The following CHSY1 variants were observed in gnomAD, a reference collection of about 807,000 sequenced individuals.
The protein encoded by CHSY1 is N-acetylgalactosaminyl-proteoglycan 3-beta-glucuronosyltransferase 1.
CHSY1 carries 13 observed loss-of-function variants against 59.8 expected under a neutral mutation model. The observed-to-expected ratio is 0.22, with a 90% CI of 0.14 to 0.35. The LOEUF (loss-of-function observed/expected upper bound fraction) is 0.35. CHSY1 is among the 10% of genes least tolerant of loss of function. The probability of loss-of-function intolerance (pLI) is 1.00; values close to 1 mark genes in which losing one functional copy is unlikely to be tolerated. For missense variants in CHSY1, 947 were observed against 1,030.6 expected (o/e 0.92, Z 1.11); for synonymous variants, 459 against 401.2 (o/e 1.14, Z -1.72).
In CHSY1 at chr15:101,178,821, C is replaced by T. The variant is rs773884567; in HGVS notation, c.976G>A (p.Glu326Lys). The change falls in exon 3 of 3, where the codon GAG (glutamate) becomes AAG (lysine). Residue 326 changes from glutamate to lysine, a missense_variant. Physicochemically the swap from Glu to Lys is moderately conservative, Grantham distance 56. Transcript: ENST00000254190. ...AGCTGTATTGTGCGATGGCGGAGCT[C>T]GGATATCTTGCGGCTCAGCATGTAG... ...HSYMLSRKIS[E>K]LRHRTIQLHR... The T allele has an allele frequency of 2.3e-5, 37 of 1,613,960 alleles. No homozygotes were observed. Among genetic ancestry groups the T allele is most frequent in the African/African-American group, 5.3e-5 (4 of 74,878 alleles).
At chr15:101,237,386 GAGA>G (rs1331756421) in intron 1 of CHSY1, among the ~76,000 whole-genome samples, 1 of 152,178 alleles carries the variant, frequency 6.6e-6, no homozygotes, top group Non-Finnish European at 1.5e-5. Context: ...CCTAGGAATG[GAGA>G]AGAAGGCCGA....
chr15:101,201,272 A>C (rs750180755), intron 2 of CHSY1, among the ~76,000 whole-genome samples: 2 of 152,206 alleles, frequency 1.3e-5, no homozygotes, highest in Non-Finnish European at 2.9e-5. Context: ...TACATAAAGA[A>C]AATAATGAAT....
In CHSY1 at chr15:101,226,109, T is replaced by A. The variant is rs190740793; in HGVS notation, c.816+8973A>T. On this transcript the variant is annotated intron_variant, in intron 2 of 2. Coordinates refer to ENST00000254190, the MANE Select transcript of CHSY1 (RefSeq NM_014918.5). ...ATGATTGGTTCTGTCAAAATAGTCT[T>A]CCCTAAATTGTAAAAACAAAAACAT... 2.1e-3 allele frequency among the ~76,000 whole-genome samples: 326 copies of A among 152,274 alleles called. 2 individuals are homozygous for A. Among genetic ancestry groups the A allele is most frequent in the Middle Eastern group, 3.4e-3 (1 of 294 alleles).
At chr15:101,218,536 A>G (rs139980326) in intron 2 of CHSY1, among the ~76,000 whole-genome samples, 143 of 152,290 alleles carry the variant, frequency 9.4e-4, no homozygotes, top group African/African-American at 3.2e-3. Flanking sequence ...AATCGCTTGA[A>G]CCTGGGAGGC....
chr15:101,241,851 G>T (rs956845600), intron 1 of CHSY1, among the ~76,000 whole-genome samples: 8 of 152,170 alleles, frequency 5.3e-5, no homozygotes, highest in Admixed American at 2.6e-4. Flanking sequence ...TCATCCAAGA[G>T]GGAATGATCC....
intron 1 of CHSY1, among the ~76,000 whole-genome samples, chr15:101,236,396 T>TA (rs2038942871): frequency 6.6e-6 from 1 of 152,204 alleles, no homozygotes; most frequent in South Asian, 2.1e-4. Flanking sequence ...TGAGATCTCA[T>TA]AGTTTTACAA....
chr15:101,250,292 C>T (rs1283018883), intron 1 of CHSY1, among the ~76,000 whole-genome samples: 3 of 152,216 alleles, frequency 2.0e-5, no homozygotes, highest in African/African-American at 4.8e-5. Flanking sequence ...TCCATCAAAT[C>T]CCTTTATCGA....
chr15:101,199,117 CTG>C (rs1371838926), intron 2 of CHSY1, among the ~76,000 whole-genome samples: 2 of 152,238 alleles, frequency 1.3e-5, no homozygotes, highest in Non-Finnish European at 2.9e-5. Flanking sequence ...CTGTGCCCTG[CTG>C]TGTTTTCCTG....
intron 2 of CHSY1, among the ~76,000 whole-genome samples, chr15:101,211,877 A>T (rs2038685917): frequency 6.6e-6 from 1 of 152,008 alleles, no homozygotes; most frequent in Admixed American, 6.5e-5. Flanking sequence ...ACAAACAAAA[A>T]ACCCCTGCCA....
At chr15:101,243,127 A>T (rs2039018731) in intron 1 of CHSY1, among the ~76,000 whole-genome samples, 1 of 152,168 alleles carries the variant, frequency 6.6e-6, no homozygotes, top group South Asian at 2.1e-4. Flanking sequence ...CCCAGACGGC[A>T]TTCCAAGGTA....
chr15:101,212,518 G>A (rs111481318), intron 2 of CHSY1, among the ~76,000 whole-genome samples: 36 of 152,330 alleles, frequency 2.4e-4, no homozygotes, highest in African/African-American at 8.7e-4. Context: ...CCTTATACAA[G>A]AGTCCACACG....
At chr15:101,235,040 A>G (rs779085439) in intron 2 of CHSY1, 42 bp downstream of exon 2, 2 of 1,607,472 alleles carry the variant, frequency 1.2e-6, no homozygotes, top group Non-Finnish European at 1.7e-6. Context: ...GACAAAATTG[A>G]CAAAATTAAG....
chr15:101,201,292 G>A (rs2038571802), intron 2 of CHSY1, among the ~76,000 whole-genome samples: 1 of 152,168 alleles, frequency 6.6e-6, no homozygotes, highest in African/African-American at 2.4e-5. Context: ...TAATGAGGCT[G>A]GTGGTTAAAG....
chr15:101,213,232 C>G (rs987243814), intron 2 of CHSY1, among the ~76,000 whole-genome samples: 12 of 151,232 alleles, frequency 7.9e-5, no homozygotes, highest in Admixed American at 3.4e-4. Context: ...AACACACACA[C>G]TTGACAACTA....
chr15:101,207,979 C>G (rs575589488), intron 2 of CHSY1, among the ~76,000 whole-genome samples: 29 of 152,310 alleles, frequency 1.9e-4, no homozygotes, highest in Admixed American at 3.3e-4. Flanking sequence ...ATAGGGAAGG[C>G]ACCGGGAAGG....
chr15:101,228,491 A>G (rs934630425), intron 2 of CHSY1, among the ~76,000 whole-genome samples: 1 of 152,216 alleles, frequency 6.6e-6, no homozygotes, highest in African/African-American at 2.4e-5. Context: ...CATGACATAC[A>G]AAGGATCCTC....
intron 2 of CHSY1, among the ~76,000 whole-genome samples, chr15:101,200,627 G>A (rs2038563571): frequency 6.6e-6 from 1 of 152,168 alleles, no homozygotes; most frequent in Non-Finnish European, 1.5e-5. Flanking sequence ...GACTCTTCCA[G>A]ATGCAGCTCC....
At chr15:101,232,650 A>C (rs1326513631) in intron 2 of CHSY1, among the ~76,000 whole-genome samples, 3 of 152,262 alleles carry the variant, frequency 2.0e-5, no homozygotes, top group Non-Finnish European at 4.4e-5. Flanking sequence ...TTAGATTCAC[A>C]ATTTGCGTAC....
intron 1 of CHSY1, among the ~76,000 whole-genome samples, chr15:101,237,149 G>A (rs555893131): frequency 5.2e-3 from 780 of 148,648 alleles, no homozygotes; most frequent in Middle Eastern, 0.011. Flanking sequence ...GCTTGAACCC[G>A]GGAGGCAGAG....
Sources: gnomAD v4.1 joint callset for allele counts (sites outside exome capture counted in the v4.1 genomes callset) on GRCh38, gnomAD v4.1.1 for gene constraint, MANE v1.5 for transcripts, NCBI Gene and HGNC (gene_info 2026-07-23, HGNC 2026-07-21) for gene names.